Variants in SPECC1L observed in about 807,000 individuals in gnomAD.
SPECC1L encodes cytospin-A.
Under a neutral mutation model 116.8 loss-of-function variants are expected in SPECC1L, and 40 were observed. That is an observed-to-expected ratio of 0.34 (90% CI 0.27 to 0.45). SPECC1L has a LOEUF of 0.45. Ranked by LOEUF, SPECC1L falls within the 20% of genes least tolerant of loss-of-function variation. The pLI, the probability that SPECC1L is intolerant of heterozygous loss-of-function variation, is 1.00. For missense variants in SPECC1L, 1,110 were observed against 1,373.6 expected (o/e 0.81, Z 3.03); for synonymous variants, 504 against 500.6 (o/e 1.01, Z -0.09).
chr22:24,414,554 G>C lies in SPECC1L; in HGVS notation c.3285G>C (p.Arg1095=). The C allele has an allele frequency of 6.2e-7, 1 of 1,613,982 alleles. No individual in the cohort carries two copies. The change falls in exon 17 of 17, where the codon CGG becomes CGC. Residue 1095 remains arginine (R), a synonymous_variant. Coordinates refer to ENST00000314328, the MANE Select transcript of SPECC1L (RefSeq NM_015330.6). ...KSTLDINEMV[R]TERPDWQNVM... is the part of the protein sequence containing the mutation. ...GTCAGGACATTAATGAAATGGTACGGACTGAACGACCCGACTGGCAGAACG... is the reference window on the plus strand; with the variant it reads ...GTCAGGACATTAATGAAATGGTACGCACTGAACGACCCGACTGGCAGAACG...
At position 24,390,867 on chromosome 22, in the gene SPECC1L, C is replaced by CTTTTTTTTTTTTTTT. The variant is rs1556306072; in HGVS notation, c.3088-20717_3088-20716insTTTTTTTTTTTTTTT. 4.1e-3 allele frequency among the ~76,000 whole-genome samples: 194 copies of CTTTTTTTTTTTTTTT among 47,548 alleles called. 1 individual carries two copies. The highest frequency in any genetic ancestry group is 4.7e-3 in the Non-Finnish European group (119 of 25,072). 31.2% of individuals were successfully genotyped at this position (47,548 alleles called of 152,430 possible). On this transcript the variant is annotated intron_variant, in intron 14 of 16. Transcript: ENST00000314328. ...GCCTGTGTTCCTTTTTTTTTTTTTT[C>CTTTTTTTTTTTTTTT]TTTTCTTTTTTTTTTTTTTTTTTTT...
chr22:24,280,597 T>TTC (rs971266679), intron 2 of SPECC1L, among the ~76,000 whole-genome samples: 4 of 150,664 alleles, frequency 2.7e-5, no homozygotes, highest in African/African-American at 7.3e-5. Flanking sequence ...TTTTTTTTTT[T>TTC]GAGACAGTGT....
rs145183243 is a variant in SPECC1L at position 24,321,469 on chromosome 22, C to T, written c.489C>T (p.Asp163=). Residue 163 remains aspartate (D), a synonymous_variant, in exon 5 of 17, where the codon GAC becomes GAT. Transcript: ENST00000314328. ...GCAGTCGAACTGCTACAGAATGTGA[C>T]GTTCGTATGAGCAAGTCTAAGTCAG... The part of the protein sequence containing the change: ...RSRSRTATEC[D]VRMSKSKSDN... 3.4e-4 allele frequency: 544 copies of T among 1,614,118 alleles called. No individual in the cohort carries two copies. Among genetic ancestry groups the T allele is most frequent in the Non-Finnish European group, 4.2e-4 (495 of 1,180,056 alleles).
chr22:24,362,365 T>A lies in SPECC1L; in HGVS notation c.2744-896T>A, dbSNP rs117484146. On this transcript the variant is annotated intron_variant, in intron 11 of 16. Coordinates refer to ENST00000314328, the MANE Select transcript of SPECC1L (RefSeq NM_015330.6). ...GAGGTGAGGGGACAGCTGGTGCCAA[T>A]GCCCAAGGAACTAAAGGAACTCCCA... 1.2e-4 allele frequency among the ~76,000 whole-genome samples: 18 copies of A among 152,202 alleles called. No individual in the cohort carries two copies. The East Asian group carries it at 3.5e-3, about 29-fold the overall frequency.
intron 2 of SPECC1L, among the ~76,000 whole-genome samples, chr22:24,279,822 C>T (rs1036591396): frequency 6.6e-6 from 1 of 152,184 alleles, no homozygotes; most frequent in Non-Finnish European, 1.5e-5. Flanking sequence ...AAGTGATCTG[C>T]CCGCCTCAGC....
chr22:24,353,160 T>C (rs1051444485), intron 11 of SPECC1L, among the ~76,000 whole-genome samples: 1 of 152,230 alleles, frequency 6.6e-6, no homozygotes, highest in African/African-American at 2.4e-5. Context: ...AGTAAAATAT[T>C]ATTAACTAAC....
chr22:24,337,035 G>A (rs1309328346), intron 9 of SPECC1L, among the ~76,000 whole-genome samples: 3 of 152,094 alleles, frequency 2.0e-5, no homozygotes, highest in Non-Finnish European at 4.4e-5. Flanking sequence ...TGGGATGTTC[G>A]GGAGGTTAGG....
intron 4 of SPECC1L, among the ~76,000 whole-genome samples, chr22:24,314,013 A>C (rs1343749045): frequency 6.6e-6 from 1 of 152,024 alleles, no homozygotes; most frequent in Non-Finnish European, 1.5e-5. Flanking sequence ...TTGGGATTAC[A>C]GGCATGAGCC....
At position 24,322,429 on chromosome 22, in the gene SPECC1L, A is replaced by G; in HGVS notation, c.1449A>G (p.Val483=). The G allele has an allele frequency of 1.2e-6, 2 of 1,614,204 alleles. No individual in the cohort carries two copies. Among genetic ancestry groups the G allele is most frequent in the Middle Eastern group, 1.6e-4 (1 of 6,062 alleles). The change falls in exon 5 of 17, where the codon GTA becomes GTG. Residue 483 remains valine (V), a synonymous_variant. Coordinates refer to ENST00000314328, the MANE Select transcript of SPECC1L (RefSeq NM_015330.6). ...HHISYVIDED[V]KSGRYMELEQ... ...TTTCTTATGTCATAGATGAAGATGT[A>G]AAAAGTGGGCGCTATATGGAATTAG...
chr22:24,329,366 A>G (rs2146504535), intron 7 of SPECC1L, among the ~76,000 whole-genome samples: 1 of 152,360 alleles, frequency 6.6e-6, no homozygotes, highest in African/African-American at 2.4e-5. Context: ...TTTTAGAAAG[A>G]TAGATTTGGG....
intron 6 of SPECC1L, 111 bp downstream of exon 6, chr22:24,324,538 TC>T (rs2040781199): frequency 9.0e-6 from 9 of 999,422 alleles, no homozygotes; most frequent in Non-Finnish European, 1.4e-5. Context: ...TGCCTGTAAT[TC>T]CAGCACTTTG....
intron 4 of SPECC1L, among the ~76,000 whole-genome samples, chr22:24,320,906 T>G (rs1208280346): frequency 6.6e-6 from 1 of 152,230 alleles, no homozygotes; most frequent in Non-Finnish European, 1.5e-5. Flanking sequence ...TGGCTAATCC[T>G]GGAGTCATCT....
intron 4 of SPECC1L, among the ~76,000 whole-genome samples, chr22:24,320,788 G>GT (rs1236413522): frequency 6.6e-6 from 1 of 152,150 alleles, no homozygotes; most frequent in Non-Finnish European, 1.5e-5. Context: ...AAATTTTTGT[G>GT]TTTCTAGTAG....
chr22:24,283,970 AAT>A lies in SPECC1L; in HGVS notation c.-38+7168_-38+7169del, dbSNP rs536556757. 4.2e-3 allele frequency among the ~76,000 whole-genome samples: 645 copies of A among 152,220 alleles called. 2 individuals are homozygous for A. The highest frequency in any genetic ancestry group is 0.02 in the Middle Eastern group (6 of 294). ...TACCCTTTCCATTCTTAATGCTGGTAATTTGTGTCCTCTCTTTTTTATGAGTG... is the reference window on the plus strand; with the variant it reads ...TACCCTTTCCATTCTTAATGCTGGTATTGTGTCCTCTCTTTTTTATGAGTG... On this transcript the variant is annotated intron_variant, in intron 2 of 16. Coordinates refer to ENST00000314328, the MANE Select transcript of SPECC1L (RefSeq NM_015330.6).
intron 14 of SPECC1L, among the ~76,000 whole-genome samples, chr22:24,406,175 C>T (rs546575040): frequency 6.6e-6 from 1 of 152,310 alleles, no homozygotes; most frequent in Admixed American, 6.5e-5. Flanking sequence ...TAGAAAGCAA[C>T]AGAAAGTTTA....
At chr22:24,339,548 C>T (rs547257809) in intron 10 of SPECC1L, among the ~76,000 whole-genome samples, 1 of 152,336 alleles carries the variant, frequency 6.6e-6, no homozygotes, top group African/African-American at 2.4e-5. Context: ...CGCTTTTGGA[C>T]AGTATAGTTG....
Position 24,338,440 on chromosome 22 carries a change from T to C in SPECC1L, c.2615T>C (p.Met872Thr), listed in dbSNP as rs776974881. 1.2e-6 allele frequency: 2 copies of C among 1,614,110 alleles called. No individual in the cohort carries two copies. Among genetic ancestry groups the C allele is most frequent in the East Asian group, 4.5e-5 (2 of 44,872 alleles). The change falls in exon 10 of 17, where the codon ATG (methionine) becomes ACG (threonine). Residue 872 changes from methionine to threonine, a missense_variant. Met to Thr is a moderately conservative substitution (Grantham distance 81). Coordinates refer to ENST00000314328, the MANE Select transcript of SPECC1L (RefSeq NM_015330.6). ...CGAACGCCCCTGAGCCCAAGTCCTA[T>C]GAAAACCCCTCCTGCAGCAGCTGTG... ...IPRTPLSPSP[M>T]KTPPAAAVSP...
At chr22:24,307,493 GT>G (rs1315949797) in intron 3 of SPECC1L, among the ~76,000 whole-genome samples, 1 of 151,806 alleles carries the variant, frequency 6.6e-6, no homozygotes, top group African/African-American at 2.4e-5. Flanking sequence ...CTTCATAAAG[GT>G]ATGATACCTT....
At chr22:24,403,235 A>G (rs1156459602) in intron 14 of SPECC1L, among the ~76,000 whole-genome samples, 1 of 152,164 alleles carries the variant, frequency 6.6e-6, no homozygotes, top group Non-Finnish European at 1.5e-5. Context: ...CTTCTGGCAC[A>G]TGTCATCTCT....
Sources: gnomAD v4.1 joint callset for allele counts (sites outside exome capture counted in the v4.1 genomes callset) on GRCh38, gnomAD v4.1.1 for gene constraint, MANE v1.5 for transcripts, NCBI Gene and HGNC (gene_info 2026-07-23, HGNC 2026-07-21) for gene names.